The following PTPRF variants were observed in gnomAD, a reference collection of about 807,000 sequenced individuals.
PTPRF encodes the protein protein tyrosine phosphatase receptor type F.
Under a neutral mutation model 201.8 loss-of-function variants are expected in PTPRF, and 59 were observed. The observed-to-expected ratio is 0.29, with a 90% CI of 0.24 to 0.36. The LOEUF is 0.36. Ranked by LOEUF, PTPRF falls within the 10% of genes least tolerant of loss-of-function variation. PTPRF has a pLI of 1.00. For synonymous variants in PTPRF, 1,088 were observed against 1,089.7 expected, an observed-to-expected ratio of 1.00 and a Z score of 0.03; for missense variants, 2,132 against 2,690.5, an observed-to-expected ratio of 0.79 and a Z score of 4.59.
In PTPRF at chr1:43,623,457, C is replaced by A. The variant is rs946936308; in HGVS notation, c.*1454C>A. 2.0e-5 allele frequency: 3 copies of A among 152,526 alleles called. No individual in the cohort carries two copies. Among genetic ancestry groups the A allele is most frequent in the Admixed American group, 1.3e-4 (2 of 15,272 alleles). The allele number at this position is 152,526 out of a possible 1,614,324, so 9.4% of individuals were successfully genotyped here. Reference sequence around the variant, plus strand: ...CTGTTTTAGCTGAGGGACGTGGTGCCGACGTCCCCAAACCTAGCTAGGCTA... The same window carrying A: ...CTGTTTTAGCTGAGGGACGTGGTGCAGACGTCCCCAAACCTAGCTAGGCTA... On this transcript the variant is annotated 3_prime_UTR_variant, in exon 34 of 34. Coordinates refer to ENST00000359947, the MANE Select transcript of PTPRF (RefSeq NM_002840.5).
chr1:43,617,819 C>G lies in PTPRF; in HGVS notation c.4279C>G (p.Leu1427Val). Residue 1427 changes from leucine (L) to valine (V), a missense_variant, in exon 25 of 34, where the codon CTG becomes GTG. By Grantham distance (32) the Leu-to-Val change is conservative (BLOSUM62 1). Coordinates refer to ENST00000359947, the MANE Select transcript of PTPRF (RefSeq NM_002840.5). ...TGCCTACATCGCCACGCAGGGCCCCCTGCCCGAGACCATGGGTGATTTCTG... is the reference window on the plus strand; with the variant it reads ...TGCCTACATCGCCACGCAGGGCCCCGTGCCCGAGACCATGGGTGATTTCTG... Reference protein sequence around the residue: ...QNAYIATQGPLPETMGDFWRM... With the variant: ...QNAYIATQGPVPETMGDFWRM... 1.2e-6 allele frequency: 2 copies of G among 1,614,010 alleles called. No individual in the cohort carries two copies. Among genetic ancestry groups the G allele is most frequent in the Non-Finnish European group, 1.7e-6 (2 of 1,179,922 alleles).
intron 6 of PTPRF, among the ~76,000 whole-genome samples, chr1:43,578,115 C>T (rs995880825): frequency 6.6e-6 from 1 of 152,256 alleles, no homozygotes; most frequent in African/African-American, 2.4e-5. Context: ...CCAGAGCAGC[C>T]CCTCAGGGCA....
intron 13 of PTPRF, among the ~76,000 whole-genome samples, chr1:43,599,381 G>C (rs564356827): frequency 1.3e-5 from 2 of 152,284 alleles, no homozygotes; most frequent in African/African-American, 4.8e-5. Flanking sequence ...CCACCAGGTC[G>C]GGGTTTTGAG....
At chr1:43,559,039 G>T (rs141059570) in intron 5 of PTPRF, among the ~76,000 whole-genome samples, 1 of 152,340 alleles carries the variant, frequency 6.6e-6, no homozygotes, top group Non-Finnish European at 1.5e-5. Flanking sequence ...CTCCTGGGGG[G>T]CTTAGCTCCA....
chr1:43,593,317 C>T (rs1478507942), intron 11 of PTPRF, among the ~76,000 whole-genome samples: 1 of 152,154 alleles, frequency 6.6e-6, no homozygotes, highest in Non-Finnish European at 1.5e-5. Context: ...TGTGTATGTG[C>T]ATCAGTGGAT....
chr1:43,591,509 A>G lies in PTPRF; in HGVS notation c.1487A>G (p.Asp496Gly), dbSNP rs757233751. The G allele has an allele frequency of 6.2e-7, 1 of 1,600,544 alleles. No individual in the cohort carries two copies. The highest frequency in any genetic ancestry group is 8.5e-7 in the Non-Finnish European group (1 of 1,175,786). Reference sequence around the variant, plus strand: ...GTGCTTGCCTTCACCGCCGTGGGCGATGGCCCTCCCAGCCCCACCATCCAG... The same window carrying G: ...GTGCTTGCCTTCACCGCCGTGGGCGGTGGCCCTCCCAGCCCCACCATCCAG... ...LRVLAFTAVG[D>G]GPPSPTIQVK... Residue 496 changes from aspartate to glycine, a missense_variant, in exon 9 of 34, where the codon GAT (aspartate) becomes GGT (glycine). Asp to Gly is a moderately conservative substitution (Grantham distance 94). Around this residue, in one of 6 missense-constraint regions of PTPRF, gnomAD observed 351 missense variants for 401.7 expected, o/e 0.87. Transcript: ENST00000359947.
intron 5 of PTPRF, among the ~76,000 whole-genome samples, chr1:43,568,028 G>A (rs1453562862): frequency 3.3e-5 from 5 of 152,164 alleles, no homozygotes; most frequent in Non-Finnish European, 7.3e-5. Context: ...GGGCCTGGTG[G>A]CTCACAGCTG....
At chr1:43,593,755 G>C (rs540059901) in intron 11 of PTPRF, among the ~76,000 whole-genome samples, 1 of 151,054 alleles carries the variant, frequency 6.6e-6, no homozygotes, top group Non-Finnish European at 1.5e-5. Flanking sequence ...GGAGGCCAAG[G>C]TGGGCGGATC....
chr1:43,614,408 G>A (rs1229101805), intron 23 of PTPRF, among the ~76,000 whole-genome samples: 2 of 152,210 alleles, frequency 1.3e-5, no homozygotes, highest in Non-Finnish European at 2.9e-5. Context: ...CGTTCATCTT[G>A]TTCTGGACTT....
Position 43,553,431 on chromosome 1 carries a change from C to A in PTPRF, c.92-61C>A, listed in dbSNP as rs1645155478. The A allele has an allele frequency of 2.0e-6, 3 of 1,533,182 alleles. No homozygotes were observed. Among genetic ancestry groups the A allele is most frequent in the Non-Finnish European group, 2.7e-6 (3 of 1,123,704 alleles). The allele number at this position is 1,533,182 out of a possible 1,614,324, so 95.0% of individuals were successfully genotyped here. A position where few individuals can be genotyped will look rare whatever the true frequency, so the allele number is the denominator to read the frequency against. ...TCTCTGCCCCCATGACTGCCACCTT[C>A]CTCACTGGCCATTCCTATAGTGACT... On this transcript the variant is annotated intron_variant, in intron 3 of 33. Coordinates refer to ENST00000359947, the MANE Select transcript of PTPRF (RefSeq NM_002840.5). The surrounding 1 kb of genome is among the most constrained non-coding windows in gnomAD (Gnocchi z 4.1).
chr1:43,522,089 C>T (rs1008664669), upstream of PTPRF, among the ~76,000 whole-genome samples: 10 of 152,154 alleles, frequency 6.6e-5, no homozygotes, highest in Non-Finnish European at 1.3e-4. Context: ...GCCTGAAATC[C>T]CCCCTTGCTT....
intron 25 of PTPRF, among the ~76,000 whole-genome samples, chr1:43,618,196 G>A (rs542666849): frequency 1.3e-5 from 2 of 152,190 alleles, no homozygotes; most frequent in African/African-American, 4.8e-5. Flanking sequence ...GTGTTCCCGG[G>A]GTATTCATGT....
At chr1:43,576,554 C>T (rs1230005994) in intron 6 of PTPRF, among the ~76,000 whole-genome samples, 1 of 152,238 alleles carries the variant, frequency 6.6e-6, no homozygotes, top group Admixed American at 6.5e-5. Flanking sequence ...CTCCACGCAG[C>T]AGGGCCCTGC....
In PTPRF at chr1:43,605,304, G is replaced by A; in HGVS notation, c.3250G>A (p.Ala1084Thr). ...TGTGCTGATGAACCGTGGCAGCAGC[G>A]CAGGGGGCCTGCAGCACCTGGTGTC... Reference protein sequence around the residue: ...SFVLMNRGSSAGGLQHLVSIR... With the variant: ...SFVLMNRGSSTGGLQHLVSIR... Residue 1084 changes from alanine (A) to threonine (T), a missense_variant, in exon 18 of 34, where the codon GCA (alanine) becomes ACA (threonine). Physicochemically the swap from Ala to Thr is moderately conservative, Grantham distance 58. Transcript: ENST00000359947. 3.7e-6 allele frequency: 6 copies of A among 1,613,452 alleles called. 1 individual carries two copies. Among genetic ancestry groups the A allele is most frequent in the South Asian group, 2.2e-5 (2 of 91,072 alleles).
chr1:43,549,738 C>G lies in PTPRF; in HGVS notation c.92-3754C>G, dbSNP rs150310961. On this transcript the variant is annotated intron_variant, in intron 3 of 33. Coordinates refer to ENST00000359947, the MANE Select transcript of PTPRF (RefSeq NM_002840.5). ...GGCATGGTGGTGTGCACCTGTGGTC[C>G]CAGCTACTCGGGAGGCTGAGGTGGG... 8.2e-4 allele frequency among the ~76,000 whole-genome samples: 124 copies of G among 152,016 alleles called. 3 individuals carry two copies. The East Asian group carries it at 0.023, about 28-fold the overall frequency.
Position 43,622,232 on chromosome 1 carries a change from C to A in PTPRF, c.*229C>A. The A allele has an allele frequency of 1.8e-6, 1 of 551,588 alleles. No homozygotes were observed. Among genetic ancestry groups the A allele is most frequent in the East Asian group, 3.0e-5 (1 of 33,278 alleles). The allele number at this position is 551,588 out of a possible 1,614,324, so 34.2% of individuals were successfully genotyped here. A position where few individuals can be genotyped will look rare whatever the true frequency, so the allele number is the denominator to read the frequency against. ...CAGGCAGGCACTGTGGCCCTTCTGT[C>A]CACCAGACCCACCTGGAGCCCGCTT... On this transcript the variant is annotated 3_prime_UTR_variant, in exon 34 of 34. Coordinates refer to ENST00000359947, the MANE Select transcript of PTPRF (RefSeq NM_002840.5).
intron 8 of PTPRF, 74 bp from the exon 9 acceptor site, chr1:43,590,898 T>A: frequency 7.4e-7 from 1 of 1,359,750 alleles, no homozygotes; most frequent in Non-Finnish European, 1.0e-6. Flanking sequence ...ATATCCTGGA[T>A]AATCCCCAAG....
chr1:43,577,054 C>T (rs1646974999), intron 6 of PTPRF, among the ~76,000 whole-genome samples: 1 of 152,172 alleles, frequency 6.6e-6, no homozygotes, highest in African/African-American at 2.4e-5. Context: ...GGCACCCAGT[C>T]TCTGTTAGGC....
At chr1:43,570,695 C>G (rs1404252395) in intron 6 of PTPRF, among the ~76,000 whole-genome samples, 2 of 152,248 alleles carry the variant, frequency 1.3e-5, no homozygotes, top group Non-Finnish European at 2.9e-5. Flanking sequence ...ACCAGCCTCA[C>G]AGCCCCTTGG....
Sources: allele counts gnomAD v4.1 joint callset (sites outside exome capture counted in the v4.1 genomes callset), GRCh38; gene constraint gnomAD v4.1.1; regional missense constraint gnomAD v4.1.1; non-coding constraint Gnocchi (gnomAD v3.1); transcripts MANE v1.5; gene names NCBI Gene and HGNC (gene_info 2026-07-23, HGNC 2026-07-21).